PCDHA9: variants seen among roughly 807,000 people sequenced by gnomAD.
PCDHA9 encodes protocadherin alpha 9.
A neutral mutation model predicts 62.0 loss-of-function variants in PCDHA9; 62 were observed. The ratio of observed to expected loss-of-function variants is 1.00; its 90% CI spans 0.81 to 1.23. PCDHA9 has a LOEUF of 1.23. Among genes scored for constraint, PCDHA9 ranks in the 50% most tolerant of loss-of-function variants. The probability of loss-of-function intolerance (pLI) is 0.00; values close to 1 mark genes in which losing one functional copy is unlikely to be tolerated. For synonymous variants in PCDHA9, 557 were observed against 567.6 expected (o/e 0.98, Z 0.27); for missense variants, 1,205 against 1,249.8 (o/e 0.96, Z 0.54).
At chr5:140,877,276 G>A (rs1038142877) in intron 1 of PCDHA9, 5 of 1,613,744 alleles carry the variant, frequency 3.1e-6, no homozygotes, top group Admixed American at 1.7e-5. Context: ...CGCTGACTCC[G>A]GCTATAACGC....
intron 1 of PCDHA9, chr5:140,927,048 G>C: frequency 6.2e-7 from 1 of 1,612,122 alleles, no homozygotes; most frequent in Non-Finnish European, 8.5e-7. Flanking sequence ...CTATGTCCTC[G>C]CGGAACTTTC....
chr5:140,974,221 T>A (rs75147433), intron 1 of PCDHA9, among the ~76,000 whole-genome samples: 1,739 of 152,246 alleles, frequency 0.011, 25 homozygotes, highest in Non-Finnish European at 0.017. Context: ...TAAAGAGAAA[T>A]CTTAGTTCCT....
chr5:140,869,211 G>C (rs375218342), intron 1 of PCDHA9: 26 of 1,613,838 alleles, frequency 1.6e-5, no homozygotes, highest in African/African-American at 1.5e-4. Flanking sequence ...ACTCCGTCTC[G>C]GAGGAGGCCA....
chr5:140,876,690 G>T, intron 1 of PCDHA9: 1 of 1,614,174 alleles, frequency 6.2e-7, no homozygotes, highest in Admixed American at 1.7e-5. Flanking sequence ...ATTACTACTC[G>T]TTGGTGCTGG....
chr5:140,873,292 T>C (rs1399834963), intron 1 of PCDHA9, among the ~76,000 whole-genome samples: 1 of 152,210 alleles, frequency 6.6e-6, no homozygotes, highest in Admixed American at 6.5e-5. Context: ...TATGAAACTT[T>C]ATAAATATAA....
chr5:140,900,424 C>T (rs557118930), intron 1 of PCDHA9, among the ~76,000 whole-genome samples: 151 of 152,214 alleles, frequency 9.9e-4, no homozygotes, highest in African/African-American at 3.3e-3. Flanking sequence ...ATTATAGGCA[C>T]GTGCCACCAC....
In PCDHA9 at chr5:140,849,878, G is replaced by C; in HGVS notation, c.1383G>C (p.Thr461=). 6.3e-7 allele frequency: 1 copy of C among 1,598,602 alleles called. No individual in the cohort carries two copies. The highest frequency in any genetic ancestry group is 1.1e-5 in the South Asian group (1 of 90,548). The change falls in exon 1 of 4, where the codon ACG becomes ACC. Residue 461 remains threonine, a synonymous_variant. Transcript: ENST00000532602. ...NAPAFAQSEY[T]VFVKENNPPG... is the part of the protein sequence containing the mutation. ...CAGCGTTCGCGCAGTCCGAGTACAC[G>C]GTGTTCGTGAAGGAGAACAACCCGC...
Position 140,941,114 on chromosome 5 carries a change from T to G in PCDHA9, c.2395-37835T>G, listed in dbSNP as rs193134067. ...TTTCACATACTATTACTGGAAAGAT[T>G]AGTCCTTTGAAGTTCCAGCTTAATG... On this transcript the variant is annotated intron_variant, in intron 1 of 3. Coordinates refer to ENST00000532602, the MANE Select transcript of PCDHA9 (RefSeq NM_031857.2). Among the ~76,000 whole-genome samples, 307 of 152,230 alleles carry G rather than the reference T, an allele frequency of 2.0e-3. 3 individuals carry two copies. Among genetic ancestry groups the G allele is most frequent in the African/African-American group, 7.2e-3 (299 of 41,546 alleles).
intron 1 of PCDHA9, among the ~76,000 whole-genome samples, chr5:140,931,490 C>T (rs1209591038): frequency 6.6e-6 from 1 of 151,888 alleles, no homozygotes; most frequent in Non-Finnish European, 1.5e-5. Flanking sequence ...ACCCTTCAAA[C>T]CAAATTTTTA....
intron 1 of PCDHA9, among the ~76,000 whole-genome samples, chr5:140,878,776 T>C (rs1437840291): frequency 2.0e-5 from 3 of 152,226 alleles, no homozygotes; most frequent in Non-Finnish European, 4.4e-5. Flanking sequence ...TGGAATATAG[T>C]ATATGTTCAA....
At chr5:140,868,380 G>T (rs2050428157) in intron 1 of PCDHA9, 1 of 152,028 alleles carries the variant, frequency 6.6e-6, no homozygotes, top group South Asian at 2.1e-4. Context: ...AGTAAAGAAT[G>T]AGAACTATAG....
At chr5:140,871,224 C>G (rs1554165289) in intron 1 of PCDHA9, 3 of 1,613,902 alleles carry the variant, frequency 1.9e-6, no homozygotes. Context: ...GCGTGGTGTC[C>G]AGCCTCCTGG....
chr5:140,871,094 T>A, intron 1 of PCDHA9: 3 of 1,613,260 alleles, frequency 1.9e-6, no homozygotes, highest in Non-Finnish European at 2.5e-6. Context: ...ACGGCCACCG[T>A]GCTGGTGTCG....
intron 1 of PCDHA9, among the ~76,000 whole-genome samples, chr5:140,964,379 C>T (rs2095828218): frequency 6.6e-6 from 1 of 152,130 alleles, no homozygotes; most frequent in Non-Finnish European, 1.5e-5. Flanking sequence ...AAAGGAGAGT[C>T]CTGGTTTTTC....
intron 1 of PCDHA9, chr5:140,871,003 C>T (rs782654281): frequency 1.2e-6 from 2 of 1,613,416 alleles, no homozygotes; most frequent in Non-Finnish European, 1.7e-6. Context: ...AAGCACAACG[C>T]GTGCCCTGGA....
chr5:140,884,113 G>T (rs782579609), intron 1 of PCDHA9: 15 of 1,613,390 alleles, frequency 9.3e-6, no homozygotes, highest in Admixed American at 3.3e-5. Context: ...AGCTGGCGGC[G>T]GTCGGCGCGC....
intron 1 of PCDHA9, among the ~76,000 whole-genome samples, chr5:140,903,031 A>G (rs1411414428): frequency 1.3e-5 from 2 of 152,188 alleles, no homozygotes; most frequent in Admixed American, 1.3e-4. Flanking sequence ...TGGCTTGCAC[A>G]TGTGTCTTTT....
chr5:140,976,395 T>G (rs973484895), intron 1 of PCDHA9, among the ~76,000 whole-genome samples: 1 of 151,734 alleles, frequency 6.6e-6, no homozygotes, highest in Middle Eastern at 3.4e-3. Flanking sequence ...TACTAAAAAT[T>G]CAAAAATTAG....
chr5:140,869,205 C>G, intron 1 of PCDHA9: 1 of 1,613,994 alleles, frequency 6.2e-7, no homozygotes. Flanking sequence ...TCCACTACTC[C>G]GTCTCGGAGG....
Sources: gnomAD v4.1 joint callset for allele counts (sites outside exome capture counted in the v4.1 genomes callset) on GRCh38, gnomAD v4.1.1 for gene constraint, MANE v1.5 for transcripts, NCBI Gene and HGNC (gene_info 2026-07-23, HGNC 2026-07-21) for gene names.